The following SASH1 variants were observed in gnomAD, a reference collection of about 807,000 sequenced individuals.
The protein encoded by SASH1 is SAM and SH3 domain containing 1.
In SASH1, 44 loss-of-function variants were observed where a neutral mutation model predicts 125.2. The observed-to-expected ratio is 0.35, with a 90% CI of 0.28 to 0.45. The LOEUF (loss-of-function observed/expected upper bound fraction) is 0.45. Ranked by LOEUF, SASH1 falls within the 20% of genes least tolerant of loss-of-function variation. The pLI, the probability that SASH1 is intolerant of heterozygous loss-of-function variation, is 1.00. For synonymous variants in SASH1, 639 were observed against 649.1 expected (o/e 0.98, Z 0.24); for missense variants, 1,426 against 1,614.5 (o/e 0.88, Z 2.00).
intron 8 of SASH1, among the ~76,000 whole-genome samples, chr6:148,498,514 T>G (rs1779416583): frequency 6.6e-6 from 1 of 152,172 alleles, no homozygotes. Context: ...TTTAAAAAAT[T>G]AATTTAAGAT....
rs560657124 is a variant in SASH1, at chr6:148,527,995, G to A, written c.1428+399G>A. On this transcript the variant is annotated intron_variant, in intron 12 of 19. Transcript: ENST00000367467. ...CCTAAAGCTTTTTTTTTTTGGGGGGGGGGGTGGCAGTAGACTTGTCGATCA... is the reference window on the plus strand; with the variant it reads ...CCTAAAGCTTTTTTTTTTTGGGGGGAGGGGTGGCAGTAGACTTGTCGATCA... Among the ~76,000 whole-genome samples, 523 of 142,298 alleles carry A rather than the reference G, an allele frequency of 3.7e-3. 13 individuals carry two copies. The highest frequency in any genetic ancestry group is 0.013 in the African/African-American group (496 of 37,352). 93.4% of individuals were successfully genotyped at this position (142,298 alleles called of 152,430 possible). A position where few individuals can be genotyped will look rare whatever the true frequency, so the allele number is the denominator to read the frequency against.
chr6:148,519,876 G>C lies in SASH1; in HGVS notation c.1192G>C (p.Gly398Arg). 1.9e-6 allele frequency: 3 copies of C among 1,576,956 alleles called. No homozygotes were observed. Among genetic ancestry groups the C allele is most frequent in the Non-Finnish European group, 2.6e-6 (3 of 1,163,628 alleles). Residue 398 changes from glycine (G) to arginine (R), a missense_variant, in exon 10 of 20, where the codon GGG (glycine) becomes CGG (arginine). Transcript: ENST00000367467. This position sits in a 1 kb window ranked among gnomAD's most constrained non-coding sequence, Gnocchi z 4.8. Reference sequence around the variant, plus strand: ...CGAGGGGGAGATGAAGAAGGGTCTCGGGTCCCTAAGCCACGGGGTAAGTAC... The same window carrying C: ...CGAGGGGGAGATGAAGAAGGGTCTCCGGTCCCTAAGCCACGGGGTAAGTAC... The part of the protein sequence containing the change: ...LTEGEMKKGL[G>R]SLSHGRTCSF...
intron 1 of SASH1, among the ~76,000 whole-genome samples, chr6:148,279,859 T>C (rs1779287783): frequency 6.6e-6 from 1 of 151,744 alleles, no homozygotes; most frequent in East Asian, 1.9e-4. Flanking sequence ...TGGTGGTGCA[T>C]GCCTGTAGTC....
At chr6:148,346,487 C>CAA (rs71688552) in intron 1 of SASH1, among the ~76,000 whole-genome samples, 24,858 of 139,146 alleles carry the variant, frequency 0.18, 2,187 homozygotes, top group East Asian at 0.29. Flanking sequence ...AACAAGCTTG[C>CAA]AAAAAAAAAA....
chr6:148,533,760 C>A lies in SASH1; in HGVS notation c.1735-11C>A. 6.2e-7 allele frequency: 1 copy of A among 1,609,370 alleles called. No homozygotes were observed. Among genetic ancestry groups the A allele is most frequent in the South Asian group, 1.1e-5 (1 of 90,904 alleles). The stretch of plus-strand genomic sequence containing the variant: ...TACCTAATGGAAAGATCTTTGCTCC[C>A]TGGGCCACAGAAAGGAGATATCATC... On this transcript the variant is annotated splice_polypyrimidine_tract_variant and intron_variant, in intron 14 of 19. Transcript: ENST00000367467. This position sits in a 1 kb window ranked among gnomAD's most constrained non-coding sequence, Gnocchi z 6.2.
At position 148,481,561 on chromosome 6, in the gene SASH1, C is replaced by T. The variant is rs570222266; in HGVS notation, c.628-6053C>T. 2.6e-5 allele frequency among the ~76,000 whole-genome samples: 4 copies of T among 152,072 alleles called. No homozygotes were observed. The East Asian group carries it at 5.8e-4, about 22-fold the overall frequency. On this transcript the variant is annotated intron_variant, in intron 7 of 19. Transcript: ENST00000367467. ...TTCCTTACAATTTAAGGCACAGAGG[C>T]GATTGCAGGGTTATTAATTGGCCTA...
chr6:148,348,504 C>G (rs1024046200), intron 1 of SASH1, among the ~76,000 whole-genome samples: 1 of 152,092 alleles, frequency 6.6e-6, no homozygotes, highest in African/African-American at 2.4e-5. Flanking sequence ...TCTATGGGGA[C>G]GGAGTGAGAG....
chr6:148,296,287 A>G (rs1779762216), intron 1 of SASH1, among the ~76,000 whole-genome samples: 1 of 151,872 alleles, frequency 6.6e-6, no homozygotes, highest in African/African-American at 2.4e-5. Flanking sequence ...CACCATGCCC[A>G]GCTAATTTTT....
the SASH1 span, among the ~76,000 whole-genome samples, chr6:148,222,834 A>C: frequency 2.0e-5 from 3 of 151,328 alleles, no homozygotes; most frequent in East Asian, 5.8e-4. Context: ...TTACTAAGCA[A>C]CTCCTAGTAA....
upstream of SASH1, chr6:148,342,621 C>G (rs1004770399): frequency 3.9e-5 from 6 of 152,260 alleles, no homozygotes; most frequent in African/African-American, 1.4e-4. Flanking sequence ...CCGGGGAGCT[C>G]CCTCCAAGAT....
chr6:148,344,759 T>C (rs1562337323), intron 1 of SASH1, among the ~76,000 whole-genome samples: 1 of 147,358 alleles, frequency 6.8e-6, no homozygotes, highest in African/African-American at 2.5e-5. Context: ...TCTTTTCTTT[T>C]TTTTTTTTTT....
At chr6:148,362,615 G>A (rs772957365) in intron 1 of SASH1, among the ~76,000 whole-genome samples, 1 of 151,680 alleles carries the variant, frequency 6.6e-6, no homozygotes, top group Non-Finnish European at 1.5e-5. Context: ...CGGAGGCTTA[G>A]GAATGCTTTC....
chr6:148,359,015 G>A (rs963375665), intron 1 of SASH1, among the ~76,000 whole-genome samples: 3 of 151,844 alleles, frequency 2.0e-5, no homozygotes, highest in East Asian at 1.9e-4. Flanking sequence ...GATTACAGGC[G>A]TGAGCCACTA....
At chr6:148,214,778 C>T in the SASH1 span, among the ~76,000 whole-genome samples, 2 of 152,256 alleles carry the variant, frequency 1.3e-5, no homozygotes, top group South Asian at 4.1e-4. Context: ...TGCCATAGTG[C>T]TTTGCATGAC....
chr6:148,291,841 G>T (rs1779643027), intron 1 of SASH1, among the ~76,000 whole-genome samples: 1 of 152,134 alleles, frequency 6.6e-6, no homozygotes. Flanking sequence ...TGTTATTCTT[G>T]TTGTTGCTGA....
At chr6:148,446,779 T>C (rs907977728) in intron 4 of SASH1, among the ~76,000 whole-genome samples, 1 of 152,148 alleles carries the variant, frequency 6.6e-6, no homozygotes, top group Non-Finnish European at 1.5e-5. Flanking sequence ...TCCTACGAGA[T>C]GACAAATGGT....
chr6:148,385,834 CA>C (rs1163546935), intron 1 of SASH1, among the ~76,000 whole-genome samples: 1 of 152,218 alleles, frequency 6.6e-6, no homozygotes, highest in Non-Finnish European at 1.5e-5. Context: ...TGCATCTCTT[CA>C]TCTGGTATTC....
chr6:148,484,550 A>G (rs901392021), intron 7 of SASH1, among the ~76,000 whole-genome samples: 4 of 148,836 alleles, frequency 2.7e-5, no homozygotes, highest in South Asian at 2.1e-4. Flanking sequence ...GTGTAATTAC[A>G]TGGGTTTTTT....
At chr6:148,249,920 A>G in the SASH1 span, among the ~76,000 whole-genome samples, 3 of 152,178 alleles carry the variant, frequency 2.0e-5, no homozygotes, top group Admixed American at 6.5e-5. Flanking sequence ...CTCTCATCTG[A>G]TCCTCGAAGA....
Sources: gnomAD v4.1 joint callset for allele counts (sites outside exome capture counted in the v4.1 genomes callset) on GRCh38, gnomAD v4.1.1 for gene constraint, Gnocchi (gnomAD v3.1) non-coding constraint, MANE v1.5 for transcripts, NCBI Gene and HGNC (gene_info 2026-07-23, HGNC 2026-07-21) for gene names.